The following ITGA8 variants were observed in gnomAD, a reference collection of about 807,000 sequenced individuals.
The protein encoded by ITGA8 is integrin alpha-8.
In ITGA8, 91 loss-of-function variants were observed where a neutral mutation model predicts 142.3. The observed-to-expected ratio is 0.64, with a 90% CI of 0.54 to 0.76. ITGA8 has a LOEUF of 0.76. Among genes scored for constraint, ITGA8 ranks in the 30% least tolerant of loss-of-function variants. ITGA8 has a pLI of 0.00. For missense variants in ITGA8, 1,406 were observed against 1,327.7 expected, an observed-to-expected ratio of 1.06 and a Z score of -0.92; for synonymous variants, 505 against 485.2, an observed-to-expected ratio of 1.04 and a Z score of -0.54.
At chr10:15,551,888 GT>G (rs1295873288) in intron 26 of ITGA8, among the ~76,000 whole-genome samples, 1 of 152,060 alleles carries the variant, frequency 6.6e-6, no homozygotes, top group Non-Finnish European at 1.5e-5. Context: ...TAATATATGT[GT>G]TAACAAAACC....
In ITGA8 at chr10:15,572,210, C is replaced by A; in HGVS notation, c.2637+1G>T. 6.2e-7 allele frequency: 1 copy of A among 1,610,376 alleles called. No individual in the cohort carries two copies. Among genetic ancestry groups the A allele is most frequent in the Non-Finnish European group, 8.5e-7 (1 of 1,177,822 alleles). On this transcript the variant is annotated splice_donor_variant, in intron 25 of 29. Coordinates refer to ENST00000378076, the MANE Select transcript of ITGA8 (RefSeq NM_003638.3). LOFTEE classifies it high-confidence loss of function. ...AGCCACTGATTAGACCAGACTCCTACCTTTATATCCTGTGGATTGATATTA... is the reference window on the plus strand; with the variant it reads ...AGCCACTGATTAGACCAGACTCCTAACTTTATATCCTGTGGATTGATATTA...
At chr10:15,558,353 A>G in intron 25 of ITGA8, 151 bp from the exon 26 acceptor site, 1 of 847,262 alleles carries the variant, frequency 1.2e-6, no homozygotes, top group Non-Finnish European at 1.8e-6. Context: ...TGTGTTTAAC[A>G]GTGACATGAC....
Position 15,646,883 on chromosome 10 carries a change from C to T in ITGA8, c.1170G>A (p.Met390Ile). ...CTTGGTTCAGGTCTCCTAAGTGTGC[C>T]ATAGCACTACCGAATCTCCCAAACG... ...TETFGRFGSA[M>I]AHLGDLNQDG... Residue 390 changes from methionine to isoleucine, a missense_variant, in exon 12 of 30, where the codon ATG becomes ATA. Coordinates refer to ENST00000378076, the MANE Select transcript of ITGA8 (RefSeq NM_003638.3). The T allele has an allele frequency of 1.2e-6, 2 of 1,613,932 alleles. No homozygotes were observed. The highest frequency in any genetic ancestry group is 1.1e-5 in the South Asian group (1 of 91,052).
chr10:15,534,400 T>C (rs1833376594), intron 27 of ITGA8, among the ~76,000 whole-genome samples: 1 of 152,244 alleles, frequency 6.6e-6, no homozygotes, highest in South Asian at 2.1e-4. Flanking sequence ...GATACAAAGA[T>C]GCAAGGCATA....
intron 2 of ITGA8, among the ~76,000 whole-genome samples, chr10:15,705,693 C>G (rs1835244945): frequency 6.6e-6 from 1 of 152,204 alleles, no homozygotes; most frequent in African/African-American, 2.4e-5. Flanking sequence ...GGCTATCTCC[C>G]ATTCTCTCTT....
At chr10:15,670,467 T>C (rs1834490848) in intron 8 of ITGA8, among the ~76,000 whole-genome samples, 1 of 152,162 alleles carries the variant, frequency 6.6e-6, no homozygotes, top group Admixed American at 6.5e-5. Context: ...ACTCCAAAGA[T>C]TCAAATTATT....
intron 25 of ITGA8, among the ~76,000 whole-genome samples, chr10:15,566,455 A>C (rs1056408468): frequency 6.6e-6 from 1 of 152,134 alleles, no homozygotes. Flanking sequence ...ACGGTTTCAC[A>C]TCTAAGCCTT....
chr10:15,607,777 C>G lies in ITGA8; in HGVS notation c.1664G>C (p.Arg555Pro). Residue 555 changes from arginine (R) to proline (P), a missense_variant, in exon 17 of 30, where the codon CGG becomes CCG. Arg to Pro is a moderately radical substitution (Grantham distance 103, BLOSUM62 -2). Coordinates refer to ENST00000378076, the MANE Select transcript of ITGA8 (RefSeq NM_003638.3). ...CTGATGGTTATCAAGGAAGAGCGTC[C>G]GTTTAATAGCTCCTTTCTGTTTCAG... ...DSLKQKGAIK[R>P]TLFLDNHQAH... 6.2e-7 allele frequency: 1 copy of G among 1,610,972 alleles called. No individual in the cohort carries two copies. Among genetic ancestry groups the G allele is most frequent in the Non-Finnish European group, 8.5e-7 (1 of 1,178,328 alleles).
intron 25 of ITGA8, among the ~76,000 whole-genome samples, chr10:15,571,281 C>T (rs1362867647): frequency 2.0e-5 from 3 of 152,180 alleles, no homozygotes; most frequent in Non-Finnish European, 4.4e-5. Flanking sequence ...GGCAGACCTG[C>T]TCTGTCTTGG....
intron 13 of ITGA8, among the ~76,000 whole-genome samples, chr10:15,618,690 G>A (rs1833438031): frequency 6.6e-6 from 1 of 152,174 alleles, no homozygotes; most frequent in Non-Finnish European, 1.5e-5. Context: ...AGACTAGATT[G>A]GTTCAGTCTT....
At chr10:15,560,235 T>C (rs1468352124) in intron 25 of ITGA8, among the ~76,000 whole-genome samples, 2 of 152,072 alleles carry the variant, frequency 1.3e-5, no homozygotes, top group Admixed American at 6.6e-5. Flanking sequence ...GCTACGATCA[T>C]GCCACTGAAT....
At chr10:15,628,988 G>C (rs1377642700) in intron 13 of ITGA8, among the ~76,000 whole-genome samples, 1 of 152,038 alleles carries the variant, frequency 6.6e-6, no homozygotes, top group African/African-American at 2.4e-5. Context: ...ATAGGCTAAG[G>C]TTAAGGAGCT....
Position 15,686,829 on chromosome 10 carries a change from G to A in ITGA8, c.444+1109C>T, listed in dbSNP as rs1221608431. ...TTTATTATGAACACGGTGTATTATTGTAGTTTCCATTGTTTTGAGGGTTTC... is the reference window on the plus strand; with the variant it reads ...TTTATTATGAACACGGTGTATTATTATAGTTTCCATTGTTTTGAGGGTTTC... On this transcript the variant is annotated intron_variant, in intron 3 of 29. Coordinates refer to ENST00000378076, the MANE Select transcript of ITGA8 (RefSeq NM_003638.3). Among the ~76,000 whole-genome samples the A allele has an allele frequency of 2.6e-5, 4 of 152,064 alleles. No homozygotes were observed. In the East Asian group the frequency reaches 7.7e-4, roughly 29 times the overall value.
intron 22 of ITGA8, among the ~76,000 whole-genome samples, chr10:15,588,718 T>C (rs2131594047): frequency 6.6e-6 from 1 of 152,322 alleles, no homozygotes; most frequent in South Asian, 2.1e-4. Flanking sequence ...TGTATTTTCT[T>C]CCCAAGTGGT....
intron 21 of ITGA8, among the ~76,000 whole-genome samples, chr10:15,594,643 G>A (rs1433663974): frequency 6.6e-6 from 1 of 152,144 alleles, no homozygotes; most frequent in Non-Finnish European, 1.5e-5. Context: ...CTAGCTGAGT[G>A]TGGTGGTGAG....
chr10:15,714,703 G>GA (rs908495675), intron 2 of ITGA8, among the ~76,000 whole-genome samples: 4 of 151,936 alleles, frequency 2.6e-5, no homozygotes, highest in Non-Finnish European at 4.4e-5. Flanking sequence ...ATTATTTCAT[G>GA]AAAAAAAACC....
chr10:15,607,782 A>G lies in ITGA8; in HGVS notation c.1659T>C (p.Ile553=), dbSNP rs746380799. The change falls in exon 17 of 30, where the codon ATT becomes ATC. Residue 553 remains isoleucine (I), a synonymous_variant. Transcript: ENST00000378076. ...GGTTATCAAGGAAGAGCGTCCGTTTAATAGCTCCTTTCTGTTTCAGGGAAT... is the reference window on the plus strand; with the variant it reads ...GGTTATCAAGGAAGAGCGTCCGTTTGATAGCTCCTTTCTGTTTCAGGGAAT... ...QLDSLKQKGA[I]KRTLFLDNHQ... 1.2e-6 allele frequency: 2 copies of G among 1,611,256 alleles called. No individual in the cohort carries two copies. The highest frequency in any genetic ancestry group is 4.5e-5 in the East Asian group (2 of 44,696).
intron 2 of ITGA8, among the ~76,000 whole-genome samples, chr10:15,695,985 C>A (rs1012056257): frequency 4.6e-5 from 7 of 152,220 alleles, no homozygotes; most frequent in Admixed American, 1.3e-4. Flanking sequence ...TCCTTGCCAA[C>A]GTCCATGAAA....
chr10:15,561,251 ATATG>A (rs942524974), intron 25 of ITGA8, among the ~76,000 whole-genome samples: 10 of 143,420 alleles, frequency 7.0e-5, no homozygotes, highest in Admixed American at 6.3e-4. Flanking sequence ...ATATATATAT[ATATG>A]TATGTAAAAT....
Sources: allele counts gnomAD v4.1 joint callset (sites outside exome capture counted in the v4.1 genomes callset), GRCh38; gene constraint gnomAD v4.1.1; transcripts MANE v1.5; gene names NCBI Gene and HGNC (gene_info 2026-07-23, HGNC 2026-07-21).